Variants in SH3YL1 observed in about 807,000 individuals in gnomAD.
The protein encoded by SH3YL1 is SH3 and SYLF domain containing 1.
SH3YL1 carries 41 observed loss-of-function variants against 45.8 expected under a neutral mutation model. The observed-to-expected ratio is 0.89, with a 90% CI of 0.70 to 1.16. The LOEUF (loss-of-function observed/expected upper bound fraction) is 1.16, where lower values mean the gene tolerates loss of function less well. Among genes scored for constraint, SH3YL1 ranks in the 50% most tolerant of loss-of-function variants. The pLI is 0.00. For synonymous variants in SH3YL1, 152 were observed against 151.4 expected, an observed-to-expected ratio of 1.00 and a Z score of -0.03; for missense variants, 389 against 409.6, an observed-to-expected ratio of 0.95 and a Z score of 0.43.
At chr2:263,933 G>T in intron 1 of SH3YL1, 51 bp downstream of exon 1, 2 of 1,435,092 alleles carry the variant, frequency 1.4e-6, no homozygotes, top group Non-Finnish European at 1.9e-6. Flanking sequence ...CCACCGCCCA[G>T]CTCTTGAGAG....
intron 2 of SH3YL1, 105 bp downstream of exon 2, chr2:252,900 T>G (rs903258683): frequency 4.5e-6 from 3 of 663,566 alleles, no homozygotes; most frequent in Non-Finnish European, 7.8e-6. Context: ...AACTACTTGT[T>G]GGCATTGATG....
intron 4 of SH3YL1, among the ~76,000 whole-genome samples, chr2:243,775 T>C (rs1405512051): frequency 6.6e-6 from 1 of 152,162 alleles, no homozygotes; most frequent in East Asian, 1.9e-4. Flanking sequence ...GAACCATATC[T>C]GACAACCACA....
intron 1 of SH3YL1, chr2:262,778 A>G: frequency 9.1e-7 from 1 of 1,103,290 alleles, no homozygotes; most frequent in Non-Finnish European, 1.2e-6. Context: ...TCTTGAGAAT[A>G]AAGTTTTCCT....
upstream of SH3YL1, chr2:264,073 C>G (rs982213907): frequency 1.5e-6 from 2 of 1,344,200 alleles, no homozygotes; most frequent in Non-Finnish European, 1.9e-6. Flanking sequence ...GAGGCCCCAG[C>G]GAGGGCGTAC....
intron 1 of SH3YL1, chr2:260,131 T>C (rs905376248): frequency 2.0e-5 from 3 of 152,196 alleles, no homozygotes; most frequent in African/African-American, 7.2e-5. Context: ...TGATTCCTAT[T>C]GCGAAACATG....
At chr2:256,113 T>A (rs1669311800) in intron 1 of SH3YL1, 1 of 152,262 alleles carries the variant, frequency 6.6e-6, no homozygotes, top group South Asian at 2.1e-4. Flanking sequence ...TTAGTGCCAA[T>A]CTGATTTCTG....
chr2:252,440 A>T (rs1669109512), intron 2 of SH3YL1, among the ~76,000 whole-genome samples: 1 of 152,076 alleles, frequency 6.6e-6, no homozygotes, highest in South Asian at 2.1e-4. Flanking sequence ...GGGCGCTGGC[A>T]CCCTGGGATG....
intron 1 of SH3YL1, among the ~76,000 whole-genome samples, chr2:257,942 T>G (rs934734183): frequency 1.3e-5 from 2 of 152,216 alleles, no homozygotes; most frequent in African/African-American, 4.8e-5. Flanking sequence ...TTTGTTGACT[T>G]TGTCAAATAT....
At chr2:258,550 C>A (rs34107169) in intron 1 of SH3YL1, among the ~76,000 whole-genome samples, 291 of 152,264 alleles carry the variant, frequency 1.9e-3, no homozygotes, top group Non-Finnish European at 3.2e-3. Flanking sequence ...ATGTTGAGTG[C>A]CTAGATTTCA....
intron 1 of SH3YL1, chr2:263,670 G>T: frequency 2.9e-6 from 1 of 344,944 alleles, no homozygotes; most frequent in Non-Finnish European, 5.3e-6. Context: ...TCTGTGGAAC[G>T]GAAGGATGGT....
intron 3 of SH3YL1, among the ~76,000 whole-genome samples, chr2:248,519 A>T (rs1668935630): frequency 6.6e-6 from 1 of 152,202 alleles, no homozygotes; most frequent in Non-Finnish European, 1.5e-5. Flanking sequence ...GACAGTTTTT[A>T]AATTACTCTC....
chr2:224,983 C>G, intron 8 of SH3YL1, 63 bp from the exon 9 acceptor site: 1 of 1,280,988 alleles, frequency 7.8e-7, no homozygotes, highest in Non-Finnish European at 1.1e-6. Flanking sequence ...ACAAAATACA[C>G]AAAATTGCCA....
intron 8 of SH3YL1, among the ~76,000 whole-genome samples, chr2:228,276 G>A (rs745551157): frequency 3.3e-5 from 5 of 152,180 alleles, no homozygotes; most frequent in African/African-American, 4.8e-5. Flanking sequence ...GAAAGGGTTC[G>A]GGGAACACAC....
intron 1 of SH3YL1, among the ~76,000 whole-genome samples, chr2:258,748 G>A (rs1313544149): frequency 1.3e-5 from 2 of 152,138 alleles, no homozygotes; most frequent in African/African-American, 4.8e-5. Context: ...TTAATAAGCT[G>A]TCTCCATTGT....
intron 6 of SH3YL1, among the ~76,000 whole-genome samples, chr2:231,444 A>G (rs748290212): frequency 2.0e-5 from 3 of 152,184 alleles, no homozygotes; most frequent in Non-Finnish European, 4.4e-5. Context: ...TAAAAAGCAC[A>G]TCCACATTAT....
At chr2:241,542 C>T (rs1572162426) in intron 4 of SH3YL1, 1 of 152,108 alleles carries the variant, frequency 6.6e-6, no homozygotes, top group South Asian at 2.1e-4. Context: ...GATCTACACT[C>T]AAGAAGCTCA....
chr2:264,748 G>A, upstream of SH3YL1: 1 of 527,014 alleles, frequency 1.9e-6, no homozygotes, highest in East Asian at 3.5e-5. Context: ...GTCCCTGCAG[G>A]TGACCCGCGG....
At chr2:237,891 A>T (rs1486155746) in intron 4 of SH3YL1, among the ~76,000 whole-genome samples, 2 of 152,244 alleles carry the variant, frequency 1.3e-5, no homozygotes, top group East Asian at 3.8e-4. Flanking sequence ...ATTCTTAAAC[A>T]TTAGAATGTG....
rs974565461 is a variant in SH3YL1, at chr2:263,836, ATCTT to A, written c.1+144_1+147del. On this transcript the variant is annotated intron_variant, in intron 1 of 9. Transcript: ENST00000356150. Reference sequence around the variant, plus strand: ...TCAAGAAAGTCCTGGAAGCTGCTCTATCTTAACTTTGGGCGGTTTGCGGTTAACA... The same window carrying A: ...TCAAGAAAGTCCTGGAAGCTGCTCTAAACTTTGGGCGGTTTGCGGTTAACA... 5.7e-5 allele frequency: 37 copies of A among 653,088 alleles called. No individual in the cohort carries two copies. In the African/African-American group the frequency reaches 5.9e-4, roughly 10 times the overall value. The allele number at this position is 653,088 out of a possible 1,614,324, so 40.5% of individuals were successfully genotyped here.
Sources: gnomAD v4.1 joint callset for allele counts (sites outside exome capture counted in the v4.1 genomes callset) on GRCh38, gnomAD v4.1.1 for gene constraint, MANE v1.5 for transcripts, NCBI Gene and HGNC (gene_info 2026-07-23, HGNC 2026-07-21) for gene names.